Variants in CSMD1 observed in about 807,000 individuals in gnomAD.
CSMD1 encodes CUB and sushi domain-containing protein 1.
A neutral mutation model predicts 417.5 loss-of-function variants in CSMD1; 213 were observed. The ratio of observed to expected loss-of-function variants is 0.51; its 90% confidence interval spans 0.46 to 0.57. CSMD1 has a LOEUF of 0.57. Among genes scored for constraint, CSMD1 ranks in the 20% least tolerant of loss-of-function variants. The pLI, the probability that CSMD1 is intolerant of heterozygous loss-of-function variation, is 0.00. For synonymous variants in CSMD1, 2,862 were observed against 1,736.8 expected (o/e 1.65, Z -16.11); for missense variants, 6,923 against 4,529.7 (o/e 1.53, Z -15.17).
At chr8:3,718,845 G>T (rs369351339) in intron 6 of CSMD1, among the ~76,000 whole-genome samples, 1 of 152,124 alleles carries the variant, frequency 6.6e-6, no homozygotes, top group Admixed American at 6.5e-5. Flanking sequence ...ATTTAACTTG[G>T]AAGCAGGTGG....
At chr8:4,771,597 G>A (rs1796600506) in intron 1 of CSMD1, among the ~76,000 whole-genome samples, 1 of 152,188 alleles carries the variant, frequency 6.6e-6, no homozygotes, top group African/African-American at 2.4e-5. Flanking sequence ...GAAATATTGA[G>A]TAATTAAATG....
At chr8:4,022,767 G>C (rs111498458) in intron 4 of CSMD1, among the ~76,000 whole-genome samples, 10 of 152,262 alleles carry the variant, frequency 6.6e-5, no homozygotes, top group African/African-American at 2.4e-4. Context: ...GGGAATCAGA[G>C]AAAACAATTG....
chr8:3,263,739 T>C (rs1366999426), intron 26 of CSMD1, among the ~76,000 whole-genome samples: 1 of 152,198 alleles, frequency 6.6e-6, no homozygotes, highest in African/African-American at 2.4e-5. Context: ...GTTCTTAAGA[T>C]GGCATTGTAA....
Position 3,396,232 on chromosome 8 carries a change from T to C in CSMD1, c.2555A>G (p.Asn852Ser), listed in dbSNP as rs773407270. 8.3e-6 allele frequency: 13 copies of C among 1,572,372 alleles called. No individual in the cohort carries two copies. In the African/African-American group the frequency reaches 1.2e-4, roughly 15 times the overall value. ...NFMYLLFTTD[N>S]SRSSIGFLIH... ...GAGGAAGCCGATGCTGGAGCGGCTG[T>C]TGTCAGTGGTGAACAGCAGGTACAT... The change falls in exon 17 of 70, where the codon AAC becomes AGC. Residue 852 changes from asparagine to serine, a missense_variant. Physicochemically the swap from Asn to Ser is conservative, Grantham distance 46. Coordinates refer to ENST00000635120, the MANE Select transcript of CSMD1 (RefSeq NM_033225.6).
At chr8:3,471,543 C>A (rs1344096432) in intron 11 of CSMD1, among the ~76,000 whole-genome samples, 1 of 144,704 alleles carries the variant, frequency 6.9e-6, no homozygotes, top group African/African-American at 2.5e-5. Context: ...CTTCCTTCAT[C>A]CCTCCCTCCT....
At chr8:3,450,180 C>A (rs1563401965) in intron 12 of CSMD1, among the ~76,000 whole-genome samples, 1 of 152,204 alleles carries the variant, frequency 6.6e-6, no homozygotes, top group East Asian at 1.9e-4. Context: ...ACTCAGGCGG[C>A]CTCCAGCCTC....
intron 2 of CSMD1, among the ~76,000 whole-genome samples, chr8:4,488,081 C>A (rs977750719): frequency 9.9e-5 from 15 of 152,162 alleles, no homozygotes; most frequent in African/African-American, 3.6e-4. Context: ...CATGTGAGGA[C>A]ACAGCTAGAA....
At chr8:4,154,078 G>A (rs1030695396) in intron 3 of CSMD1, among the ~76,000 whole-genome samples, 1 of 152,162 alleles carries the variant, frequency 6.6e-6, no homozygotes, top group African/African-American at 2.4e-5. Flanking sequence ...TAAATTGGAA[G>A]AAACACTGAA....
chr8:3,421,656 G>C (rs1003197787), intron 12 of CSMD1, among the ~76,000 whole-genome samples: 2 of 151,126 alleles, frequency 1.3e-5, no homozygotes, highest in Admixed American at 6.6e-5. Flanking sequence ...TCTTTTTTTT[G>C]AGACAGTGTC....
At chr8:3,915,495 T>C (rs1469342831) in intron 5 of CSMD1, among the ~76,000 whole-genome samples, 4 of 150,918 alleles carry the variant, frequency 2.7e-5, no homozygotes, top group African/African-American at 7.3e-5. Flanking sequence ...AAGGATGACA[T>C]GAAACAGGAC....
chr8:4,787,622 G>A, intron 1 of CSMD1: 2 of 1,568,144 alleles, frequency 1.3e-6, no homozygotes, highest in South Asian at 2.2e-5. Context: ...CAGAAGAATA[G>A]CAACTGGTTC....
chr8:4,815,431 C>G (rs1799148247), intron 1 of CSMD1, among the ~76,000 whole-genome samples: 1 of 152,094 alleles, frequency 6.6e-6, no homozygotes, highest in South Asian at 2.1e-4. Context: ...CTTATTGGCT[C>G]AAGCCTATAA....
chr8:2,996,015 A>C lies in CSMD1; in HGVS notation c.8377+1996T>G, dbSNP rs201678822. Among the ~76,000 whole-genome samples the C allele has an allele frequency of 5.9e-5, 9 of 152,206 alleles. No homozygotes were observed. The East Asian group carries it at 1.4e-3, about 23-fold the overall frequency. On this transcript the variant is annotated intron_variant, in intron 54 of 69. Transcript: ENST00000635120. ...TATGCTGGTTGGTCTAATACCCTCT[A>C]AGTTTGCAAGATTCTACCACTGGGT...
At chr8:2,990,918 G>A (rs559835834) in intron 54 of CSMD1, among the ~76,000 whole-genome samples, 2 of 152,314 alleles carry the variant, frequency 1.3e-5, no homozygotes, top group African/African-American at 4.8e-5. Flanking sequence ...GCGCAGAACT[G>A]CTCTGGTCTT....
chr8:3,017,803 A>AT (rs563965681), intron 52 of CSMD1, among the ~76,000 whole-genome samples: 2 of 116,102 alleles, frequency 1.7e-5, no homozygotes, highest in South Asian at 3.1e-4. Flanking sequence ...GCTTTGAGTG[A>AT]TTTAAAAAAA....
intron 3 of CSMD1, among the ~76,000 whole-genome samples, chr8:4,203,291 C>A (rs73658473): frequency 0.019 from 2,843 of 152,244 alleles, 91 homozygotes; most frequent in African/African-American, 0.065. Flanking sequence ...GAAAAGAACA[C>A]AGGCCCCTCA....
intron 1 of CSMD1, among the ~76,000 whole-genome samples, chr8:4,789,961 G>A (rs1281270170): frequency 6.6e-6 from 1 of 152,156 alleles, no homozygotes; most frequent in Non-Finnish European, 1.5e-5. Context: ...GTATCTTAAA[G>A]GTGCTATTTC....
At chr8:3,291,514 G>A (rs1325644846) in intron 25 of CSMD1, among the ~76,000 whole-genome samples, 2 of 152,052 alleles carry the variant, frequency 1.3e-5, no homozygotes, top group South Asian at 4.1e-4. Context: ...CCCTGTTATT[G>A]GTCTATTCAG....
intron 30 of CSMD1, among the ~76,000 whole-genome samples, chr8:3,206,623 T>TG (rs769420794): frequency 1.5e-5 from 2 of 130,136 alleles, no homozygotes; most frequent in Non-Finnish European, 1.7e-5. Flanking sequence ...TATGTGTGTG[T>TG]GGGGTTATGT....
Sources: allele counts gnomAD v4.1 joint callset (sites outside exome capture counted in the v4.1 genomes callset), GRCh38; gene constraint gnomAD v4.1.1; transcripts MANE v1.5; gene names NCBI Gene and HGNC (gene_info 2026-07-23, HGNC 2026-07-21).